The following TNRC6B variants were observed in gnomAD, a reference collection of about 807,000 sequenced individuals.
TNRC6B encodes the protein trinucleotide repeat-containing gene 6B protein.
Under a neutral mutation model 203.6 loss-of-function variants are expected in TNRC6B, and 52 were observed. That is an observed-to-expected ratio of 0.26 (90% confidence interval 0.20 to 0.32). TNRC6B has a LOEUF of 0.32. Ranked by LOEUF, TNRC6B falls within the 10% of genes least tolerant of loss-of-function variation. The pLI, the probability that TNRC6B is intolerant of heterozygous loss-of-function variation, is 1.00. For synonymous variants in TNRC6B, 838 were observed against 845.7 expected (o/e 0.99, Z 0.16); for missense variants, 1,923 against 2,286.2 (o/e 0.84, Z 3.24).
intron 12 of TNRC6B, among the ~76,000 whole-genome samples, chr22:40,294,796 A>T (rs1225904632): frequency 6.6e-6 from 1 of 152,220 alleles, no homozygotes; most frequent in African/African-American, 2.4e-5. Flanking sequence ...CACTGGTGAC[A>T]TTTTGTGTGA....
intron 12 of TNRC6B, among the ~76,000 whole-genome samples, chr22:40,297,936 C>T (rs2070966133): frequency 6.6e-6 from 1 of 151,698 alleles, no homozygotes; most frequent in African/African-American, 2.4e-5. Flanking sequence ...TCCTGGCTAA[C>T]ATGGTGAAAC....
Position 40,308,647 on chromosome 22 carries a change from A to G in TNRC6B, c.4256A>G (p.Asn1419Ser). 6.2e-7 allele frequency: 1 copy of G among 1,611,400 alleles called. No individual in the cohort carries two copies. Among genetic ancestry groups the G allele is most frequent in the Non-Finnish European group, 8.5e-7 (1 of 1,178,604 alleles). The change falls in exon 16 of 23, where the codon AAT becomes AGT. Residue 1419 changes from asparagine (N) to serine (S), a missense_variant and splice_region_variant. Around this residue, in one of 8 missense-constraint regions of TNRC6B, gnomAD observed 242 missense variants for 399.5 expected, o/e 0.61. Transcript: ENST00000454349. ...VATQEANMHKNGAIVAPGKTR... is the reference protein window; with the variant it reads ...VATQEANMHKSGAIVAPGKTR... ...ACACAGGAAGCCAATATGCACAAAAATGGTAAGAGAAGCACTGAAAGCTAG... is the reference window on the plus strand; with the variant it reads ...ACACAGGAAGCCAATATGCACAAAAGTGGTAAGAGAAGCACTGAAAGCTAG...
chr22:40,143,806 C>G (rs1237364069), intron 3 of TNRC6B, among the ~76,000 whole-genome samples: 1 of 151,964 alleles, frequency 6.6e-6, no homozygotes, highest in East Asian at 1.9e-4. Flanking sequence ...TGGAATACAT[C>G]TTTCTAATAA....
chr22:40,331,343 T>A lies in TNRC6B; in HGVS notation c.*8102T>A, dbSNP rs1420826334. 1 of 210,476 alleles carries A rather than the reference T, an allele frequency of 4.8e-6. No individual in the cohort carries two copies. Among genetic ancestry groups the A allele is most frequent in the Non-Finnish European group, 9.4e-6 (1 of 106,406 alleles). 13.0% of individuals were successfully genotyped at this position (210,476 alleles called of 1,614,324 possible). A position where few individuals can be genotyped will look rare whatever the true frequency, so the allele number is the denominator to read the frequency against. ...TTTATTTCTTCAGAGCTATTATAGT[T>A]GAACACAGAAATCTGCAGTGTCTTT... is the stretch of plus-strand genomic sequence containing the variant. On this transcript the variant is annotated 3_prime_UTR_variant, in exon 23 of 23. Coordinates refer to ENST00000454349, the MANE Select transcript of TNRC6B (RefSeq NM_001162501.2).
At chr22:40,131,920 A>G (rs1331824214) in intron 3 of TNRC6B, among the ~76,000 whole-genome samples, 2 of 152,118 alleles carry the variant, frequency 1.3e-5, no homozygotes, top group Non-Finnish European at 2.9e-5. Flanking sequence ...TATTTCTTAC[A>G]TTTTTCCCAA....
rs566829845 is a variant in TNRC6B, at chr22:40,294,262, A to G, written c.3709-6193A>G. ...AGTGAGACCCTGTCTCAAAAAATCA[A>G]TCAGTCAATCAGTCAATCAATCAAT... On this transcript the variant is annotated intron_variant, in intron 12 of 22. Transcript: ENST00000454349. 2.5e-4 allele frequency among the ~76,000 whole-genome samples: 38 copies of G among 152,096 alleles called. 1 individual carries two copies. The highest frequency in any genetic ancestry group is 9.2e-4 in the African/African-American group (38 of 41,500).
intron 3 of TNRC6B, among the ~76,000 whole-genome samples, chr22:40,149,657 A>T (rs1270607613): frequency 1.5e-5 from 2 of 137,426 alleles, no homozygotes; most frequent in Non-Finnish European, 3.0e-5. Flanking sequence ...CAACAGAGCG[A>T]GACTCCGTCT....
chr22:40,065,829 A>T (rs1460258684), intron 1 of TNRC6B, among the ~76,000 whole-genome samples: 1 of 152,110 alleles, frequency 6.6e-6, no homozygotes, highest in Non-Finnish European at 1.5e-5. Flanking sequence ...GTGCCCCACG[A>T]ATGATGGTTT....
chr22:40,109,843 T>C (rs2068317640), intron 1 of TNRC6B, among the ~76,000 whole-genome samples: 1 of 152,218 alleles, frequency 6.6e-6, no homozygotes, highest in Non-Finnish European at 1.5e-5. Flanking sequence ...AGCGCTTAGC[T>C]TTTTTCTCCT....
At chr22:40,275,129 A>G (rs2070621086) in intron 7 of TNRC6B, among the ~76,000 whole-genome samples, 2 of 152,216 alleles carry the variant, frequency 1.3e-5, no homozygotes, top group Non-Finnish European at 2.9e-5. Flanking sequence ...GCATAAGAAT[A>G]CAGTCTGTTT....
At chr22:40,108,258 G>A (rs1202577148) in intron 1 of TNRC6B, among the ~76,000 whole-genome samples, 2 of 152,200 alleles carry the variant, frequency 1.3e-5, no homozygotes, top group Non-Finnish European at 2.9e-5. Flanking sequence ...GGGCAGTAGA[G>A]CCTCCCTGGT....
chr22:40,184,016 A>G (rs1478124844), intron 1 of TNRC6B, among the ~76,000 whole-genome samples: 2 of 152,226 alleles, frequency 1.3e-5, no homozygotes, highest in African/African-American at 4.8e-5. Flanking sequence ...CTCAATGGGC[A>G]AAATGAAAAT....
intron 1 of TNRC6B, among the ~76,000 whole-genome samples, chr22:40,179,252 C>G (rs1192442835): frequency 6.6e-6 from 1 of 152,094 alleles, no homozygotes; most frequent in Non-Finnish European, 1.5e-5. Flanking sequence ...CCTCCTCCCC[C>G]TATCATTGTG....
chr22:40,116,408 A>T (rs2068388690), intron 1 of TNRC6B, among the ~76,000 whole-genome samples: 1 of 152,214 alleles, frequency 6.6e-6, no homozygotes, highest in African/African-American at 2.4e-5. Context: ...CTGTATTCAA[A>T]TACATGAATA....
rs551426024 is a variant in TNRC6B at position 40,150,541 on chromosome 22, C to T, written c.46-5574C>T. Among the ~76,000 whole-genome samples the T allele has an allele frequency of 5.9e-5, 9 of 152,226 alleles. No homozygotes were observed. In the South Asian group the frequency reaches 8.3e-4, roughly 14 times the overall value. ...AAAACAGCAAGATGGGTTGAAGAGG[C>T]GATGAGAAGCAAGGCCCCAGATACG... On this transcript the variant is annotated intron_variant, in intron 3 of 23. Coordinates refer to the TNRC6B transcript ENST00000301923.
intron 5 of TNRC6B, among the ~76,000 whole-genome samples, chr22:40,268,455 T>C (rs1249986128): frequency 6.6e-6 from 1 of 152,126 alleles, no homozygotes; most frequent in Non-Finnish European, 1.5e-5. Flanking sequence ...AGAAAAATGA[T>C]TACTTTTAAC....
At chr22:40,278,876 G>C (rs1278312413) in intron 9 of TNRC6B, among the ~76,000 whole-genome samples, 1 of 152,196 alleles carries the variant, frequency 6.6e-6, no homozygotes, top group Non-Finnish European at 1.5e-5. Flanking sequence ...GAGTAGCTGG[G>C]ATCACAGGCG....
intron 1 of TNRC6B, among the ~76,000 whole-genome samples, chr22:40,060,436 C>G (rs1281708622): frequency 2.0e-5 from 3 of 152,068 alleles, no homozygotes; most frequent in Non-Finnish European, 2.9e-5. Context: ...GCCACCATGC[C>G]CAGCCAACCT....
At chr22:40,164,276 T>C (rs1412234005) in intron 4 of TNRC6B, among the ~76,000 whole-genome samples, 1 of 149,718 alleles carries the variant, frequency 6.7e-6, no homozygotes, top group Admixed American at 6.7e-5. Context: ...TAATCCCAGC[T>C]ACTCGGGAGG....
Sources: allele counts gnomAD v4.1 joint callset (sites outside exome capture counted in the v4.1 genomes callset), GRCh38; gene constraint gnomAD v4.1.1; regional missense constraint gnomAD v4.1.1; transcripts MANE v1.5; gene names NCBI Gene and HGNC (gene_info 2026-07-23, HGNC 2026-07-21).